Variants in C14orf39 observed in about 807,000 individuals in gnomAD.
C14orf39 encodes protein SIX6OS1.
C14orf39 carries 66 observed loss-of-function variants against 85.6 expected under a neutral mutation model. That is an observed-to-expected ratio of 0.77 (90% confidence interval 0.63 to 0.95). C14orf39 has a LOEUF of 0.95. Among genes scored for constraint, C14orf39 ranks in the 40% least tolerant of loss-of-function variants. The pLI is 0.00. For synonymous variants in C14orf39, 242 were observed against 214.0 expected (o/e 1.13, Z -1.14); for missense variants, 735 against 663.9 (o/e 1.11, Z -1.18).
At chr14:60,437,484 C>A (rs560013578) in intron 17 of C14orf39, among the ~76,000 whole-genome samples, 1 of 152,032 alleles carries the variant, frequency 6.6e-6, no homozygotes, top group South Asian at 2.1e-4. Context: ...GAATATCCCA[C>A]TATGGAATCT....
intron 17 of C14orf39, among the ~76,000 whole-genome samples, chr14:60,439,202 T>C (rs1474999): frequency 0.18 from 27,067 of 151,994 alleles, 4,044 homozygotes; most frequent in African/African-American, 0.4. Context: ...CAATAAAAAA[T>C]GAAACAGGTA....
chr14:60,487,293 C>T (rs976566932), upstream of C14orf39, among the ~76,000 whole-genome samples: 2 of 152,186 alleles, frequency 1.3e-5, no homozygotes, highest in Non-Finnish European at 2.9e-5. Context: ...CCTCCCTCCC[C>T]CAGCCACTGG....
rs1278200619 is a variant in C14orf39 at position 60,515,098 on chromosome 14, G to T, written c.-144+297C>A. ...GGGTCATTGTCCGCGCGCTGGCCCG[G>T]GCGCCGAGGCGTGTCCCTGCCTGCG... On this transcript the variant is annotated intron_variant, in intron 1 of 5. Coordinates refer to the C14orf39 transcript ENST00000556799. The surrounding 1 kb of genome is among the most constrained non-coding windows in gnomAD (Gnocchi z 6.2). The T allele has an allele frequency of 6.6e-6, 1 of 152,200 alleles. No homozygotes were observed. The highest frequency in any genetic ancestry group is 1.5e-5 in the Non-Finnish European group (1 of 68,100). 9.4% of individuals were successfully genotyped at this position (152,200 alleles called of 1,614,324 possible). A position where few individuals can be genotyped will look rare whatever the true frequency, so the allele number is the denominator to read the frequency against.
intron 4 of C14orf39, among the ~76,000 whole-genome samples, chr14:60,482,968 A>T (rs953977020): frequency 6.6e-6 from 1 of 151,668 alleles, no homozygotes; most frequent in African/African-American, 2.4e-5. Flanking sequence ...GTCATTACCT[A>T]TGCAGAGGAT....
intron 11 of C14orf39, among the ~76,000 whole-genome samples, chr14:60,462,348 C>T (rs1891572000): frequency 6.6e-6 from 1 of 152,050 alleles, no homozygotes; most frequent in Admixed American, 6.6e-5. Flanking sequence ...ATGATCGCGC[C>T]ACTACACTCC....
chr14:60,485,215 C>A (rs2140166602), intron 1 of C14orf39, 129 bp from the exon 2 acceptor site: 1 of 743,038 alleles, frequency 1.3e-6, no homozygotes, highest in Non-Finnish European at 2.2e-6. Context: ...AACTGGAAGA[C>A]GAGAGGCCCC....
rs752245316 is a variant in C14orf39, at chr14:60,469,641, T to C, written c.567A>G (p.Arg189=). 17 of 1,352,276 alleles carry C rather than the reference T, an allele frequency of 1.3e-5. No individual in the cohort carries two copies. The Admixed American group carries it at 3.3e-4, about 26-fold the overall frequency. The allele number at this position is 1,352,276 out of a possible 1,614,324, so 83.8% of individuals were successfully genotyped here. A position where few individuals can be genotyped will look rare whatever the true frequency, so the allele number is the denominator to read the frequency against. The change falls in exon 8 of 18, where the codon AGA becomes AGG. Residue 189 remains arginine, a synonymous_variant. Coordinates refer to ENST00000321731, the MANE Select transcript of C14orf39 (RefSeq NM_174978.3). ...GTTTAAGAATATCTTGTGTTTCACA[T>C]CTCAAATTAACACTTTTTATGTTAA... ...TKWTLNIVNL[R]CETQDILKHA...
At chr14:60,511,591 C>T in intron 1 of C14orf39, 5 of 477,784 alleles carry the variant, frequency 1.0e-5, no homozygotes, top group Non-Finnish European at 1.9e-5. Flanking sequence ...TATTTCACGT[C>T]GAAAGGACGC....
intron 17 of C14orf39, among the ~76,000 whole-genome samples, chr14:60,437,740 T>C (rs1404608926): frequency 1.3e-5 from 2 of 151,978 alleles, no homozygotes; most frequent in South Asian, 2.1e-4. Context: ...ATCTAAGAGA[T>C]ACTGTATAAG....
intron 10 of C14orf39, among the ~76,000 whole-genome samples, 183 bp downstream of exon 10, chr14:60,466,734 A>G (rs1356985350): frequency 6.6e-6 from 1 of 151,866 alleles, no homozygotes; most frequent in African/African-American, 2.4e-5. Flanking sequence ...AAGAGAAAAA[A>G]GTTACGTATA....
chr14:60,476,978 C>G (rs1892407767), intron 5 of C14orf39, among the ~76,000 whole-genome samples: 2 of 152,184 alleles, frequency 1.3e-5, no homozygotes, highest in African/African-American at 4.8e-5. Flanking sequence ...GTGCGGGATA[C>G]ATAGTATGAA....
At chr14:60,514,873 G>A (rs1169036759) in intron 1 of C14orf39, among the ~76,000 whole-genome samples, 2 of 152,228 alleles carry the variant, frequency 1.3e-5, no homozygotes, top group South Asian at 2.1e-4. Flanking sequence ...GAGCCCGGGG[G>A]CGGCCGTGAA....
chr14:60,451,491 T>G (rs1595449855), intron 16 of C14orf39, among the ~76,000 whole-genome samples: 2 of 152,152 alleles, frequency 1.3e-5, no homozygotes, highest in African/African-American at 4.8e-5. Context: ...ATATACATCA[T>G]GGAATACTAT....
rs568813237 is a variant in C14orf39, at chr14:60,457,894, C to T, written c.1179+784G>A. On this transcript the variant is annotated intron_variant, in intron 14 of 17. Coordinates refer to ENST00000321731, the MANE Select transcript of C14orf39 (RefSeq NM_174978.3). ...TGGCGAATCATTCAATCTTACCAAA[C>T]AAAATTATTTTCATCAATCATTATT... Among the ~76,000 whole-genome samples the T allele has an allele frequency of 2.0e-5, 3 of 152,012 alleles. No homozygotes were observed. The South Asian group carries it at 6.2e-4, about 32-fold the overall frequency.
chr14:60,459,008 A>G (rs574305597), intron 13 of C14orf39, among the ~76,000 whole-genome samples: 1 of 151,826 alleles, frequency 6.6e-6, no homozygotes, highest in African/African-American at 2.4e-5. Flanking sequence ...CATATTCACC[A>G]TGTCTTGCTC....
chr14:60,511,036 G>A, intron 1 of C14orf39: 1 of 1,592,702 alleles, frequency 6.3e-7, no homozygotes, highest in East Asian at 2.3e-5. Flanking sequence ...GCGGGCGACG[G>A]GCGGCTGTGT....
intron 11 of C14orf39, among the ~76,000 whole-genome samples, chr14:60,463,709 C>T (rs1425185903): frequency 6.6e-6 from 1 of 152,020 alleles, no homozygotes; most frequent in African/African-American, 2.4e-5. Flanking sequence ...TTGTGTTTGA[C>T]TTGTATTTTT....
intron 16 of C14orf39, among the ~76,000 whole-genome samples, chr14:60,445,703 C>T (rs1260543845): frequency 6.6e-6 from 1 of 152,102 alleles, no homozygotes; most frequent in Non-Finnish European, 1.5e-5. Flanking sequence ...AGCTCTGCAC[C>T]AAATGGGCCT....
intron 8 of C14orf39, 75 bp from the exon 9 acceptor site, chr14:60,468,611 GT>G: frequency 1.3e-6 from 1 of 765,580 alleles, no homozygotes; most frequent in Non-Finnish European, 2.0e-6. Context: ...TTTATCTTAT[GT>G]TTTTTCTATA....
Sources: gnomAD v4.1 joint callset for allele counts (sites outside exome capture counted in the v4.1 genomes callset) on GRCh38, gnomAD v4.1.1 for gene constraint, Gnocchi (gnomAD v3.1) non-coding constraint, MANE v1.5 for transcripts, NCBI Gene and HGNC (gene_info 2026-07-23, HGNC 2026-07-21) for gene names.